The following DPP10 variants were observed in gnomAD, a reference collection of about 807,000 sequenced individuals.
DPP10 encodes the protein inactive dipeptidyl peptidase 10.
A neutral mutation model predicts 120.9 loss-of-function variants in DPP10; 33 were observed. That is an observed-to-expected ratio of 0.27 (90% CI 0.21 to 0.37). The LOEUF is 0.37. Ranked by LOEUF, DPP10 falls within the 10% of genes least tolerant of loss-of-function variation. DPP10 has a pLI of 1.00. For missense variants in DPP10, 816 were observed against 942.8 expected (o/e 0.87, Z 1.76); for synonymous variants, 337 against 326.1 (o/e 1.03, Z -0.36).
chr2:115,653,832 TATCTTAAC>T (rs2088034649), intron 5 of DPP10, among the ~76,000 whole-genome samples: 1 of 151,874 alleles, frequency 6.6e-6, no homozygotes, highest in African/African-American at 2.4e-5. Flanking sequence ...CTGTAGAGGA[TATCTTAAC>T]TGAGTATTTT....
chr2:115,193,166 A>G (rs997448077), intron 1 of DPP10, among the ~76,000 whole-genome samples: 1 of 152,228 alleles, frequency 6.6e-6, no homozygotes, highest in African/African-American at 2.4e-5. Flanking sequence ...CCCTTTTATA[A>G]CATGTTTCAC....
chr2:114,623,115 G>C (rs940547873), intron 1 of DPP10, among the ~76,000 whole-genome samples: 1 of 152,070 alleles, frequency 6.6e-6, no homozygotes, highest in Non-Finnish European at 1.5e-5. Context: ...CCTTGCACTA[G>C]CTTTCATTCT....
intron 3 of DPP10, among the ~76,000 whole-genome samples, chr2:115,398,207 A>T (rs1439605449): frequency 2.0e-5 from 3 of 149,114 alleles, no homozygotes; most frequent in African/African-American, 5.0e-5. Context: ...TCCCTTGGTT[A>T]TATTAAGCTG....
chr2:114,864,177 CT>C, intron 1 of DPP10, among the ~76,000 whole-genome samples: 1 of 152,278 alleles, frequency 6.6e-6, no homozygotes, highest in Middle Eastern at 3.4e-3. Context: ...TATGACCTCT[CT>C]TTTTTTCCAT....
At chr2:115,246,533 T>C (rs1261991990) in intron 1 of DPP10, among the ~76,000 whole-genome samples, 3 of 152,274 alleles carry the variant, frequency 2.0e-5, no homozygotes, top group African/African-American at 7.2e-5. Flanking sequence ...GTAAGTGGCC[T>C]CACAGAGACA....
At chr2:115,366,736 A>G (rs2065100588) in intron 3 of DPP10, among the ~76,000 whole-genome samples, 1 of 152,080 alleles carries the variant, frequency 6.6e-6, no homozygotes, top group South Asian at 2.1e-4. Context: ...CCACAGGTGC[A>G]GTTGCCTAGC....
At chr2:115,835,981 A>G (rs1006930132) in intron 21 of DPP10, among the ~76,000 whole-genome samples, 176 bp from the exon 22 acceptor site, 8 of 152,042 alleles carry the variant, frequency 5.3e-5, no homozygotes, top group Admixed American at 4.6e-4. Flanking sequence ...GTACAAAATG[A>G]TTTTGGCTTT....
At chr2:114,535,101 A>AAG (rs34002976) in intron 1 of DPP10, among the ~76,000 whole-genome samples, 2 of 151,542 alleles carry the variant, frequency 1.3e-5, no homozygotes, top group Admixed American at 6.6e-5. Flanking sequence ...ACAAAAAAAA[A>AAG]CATTGTTTAT....
At chr2:115,714,686 G>A (rs1300528325) in intron 7 of DPP10, among the ~76,000 whole-genome samples, 4 of 151,972 alleles carry the variant, frequency 2.6e-5, no homozygotes, top group African/African-American at 9.7e-5. Flanking sequence ...ATCTTGATCT[G>A]CCTTTTCTCA....
rs531847518 is a variant in DPP10 at position 114,668,548 on chromosome 2, C to G, written c.60+225710C>G. Among the ~76,000 whole-genome samples, 46 of 152,120 alleles carry G rather than the reference C, an allele frequency of 3.0e-4. No homozygotes were observed. In the South Asian group the frequency reaches 9.1e-3, roughly 30 times the overall value. On this transcript the variant is annotated intron_variant, in intron 1 of 25. Transcript: ENST00000410059. ...TACCAGCTATCTGAGCAGCCTTAGC[C>G]CAGTAAAGTTGGCACATAAAATTAA...
intron 1 of DPP10, among the ~76,000 whole-genome samples, chr2:114,529,474 T>C (rs1201552300): frequency 6.6e-6 from 1 of 152,216 alleles, no homozygotes; most frequent in African/African-American, 2.4e-5. Context: ...CTGTATGAGC[T>C]GACTCCTGTC....
At chr2:115,049,866 T>C (rs13425974) in intron 1 of DPP10, among the ~76,000 whole-genome samples, 2,709 of 152,266 alleles carry the variant, frequency 0.018, 75 homozygotes, top group African/African-American at 0.063. Flanking sequence ...CAAATCTTTT[T>C]TGGAATAGGC....
chr2:114,690,325 T>C (rs1253731893), intron 1 of DPP10, among the ~76,000 whole-genome samples: 2 of 152,096 alleles, frequency 1.3e-5, no homozygotes, highest in Non-Finnish European at 2.9e-5. Flanking sequence ...CCCAGCACCA[T>C]TGATTAAATG....
intron 7 of DPP10, among the ~76,000 whole-genome samples, chr2:115,707,534 T>A (rs2092164942): frequency 6.6e-6 from 1 of 151,716 alleles, no homozygotes; most frequent in South Asian, 2.1e-4. Flanking sequence ...CTAGTGATTC[T>A]GAATGTAGAT....
intron 5 of DPP10, among the ~76,000 whole-genome samples, chr2:115,600,890 G>A (rs1455596486): frequency 2.6e-5 from 4 of 152,108 alleles, no homozygotes; most frequent in Admixed American, 1.3e-4. Flanking sequence ...GCTGTTTAAC[G>A]GGGACACAAA....
rs72961612 is a variant in DPP10 at position 114,825,810 on chromosome 2, T to A, written c.60+382972T>A. ...AGTATGAACAGTTTGCATGCTACAC[T>A]GTATAGCCTAAATAACAGAGGGCAT... On this transcript the variant is annotated intron_variant, in intron 1 of 25. Coordinates refer to ENST00000410059, the MANE Select transcript of DPP10 (RefSeq NM_020868.6). Among the ~76,000 whole-genome samples, 1,290 of 152,296 alleles carry A rather than the reference T, an allele frequency of 8.5e-3. 23 individuals carry two copies. Among genetic ancestry groups the A allele is most frequent in the African/African-American group, 0.029 (1,219 of 41,550 alleles).
intron 1 of DPP10, among the ~76,000 whole-genome samples, chr2:114,826,581 C>T (rs528441905): frequency 5.7e-4 from 86 of 152,208 alleles, no homozygotes; most frequent in African/African-American, 2.0e-3. Flanking sequence ...CCCAGGCTAG[C>T]GTGCAATGTC....
At chr2:115,362,258 T>C (rs2064827700) in intron 3 of DPP10, among the ~76,000 whole-genome samples, 1 of 152,206 alleles carries the variant, frequency 6.6e-6, no homozygotes, top group African/African-American at 2.4e-5. Flanking sequence ...GCTAAGATTC[T>C]ATATGGTAAG....
At chr2:115,165,256 TTTTA>T (rs1242332489) in intron 1 of DPP10, among the ~76,000 whole-genome samples, 1 of 152,200 alleles carries the variant, frequency 6.6e-6, no homozygotes, top group African/African-American at 2.4e-5. Flanking sequence ...TGAGTCCTGT[TTTTA>T]TTCCTATTTT....
Sources: gnomAD v4.1 joint callset for allele counts (sites outside exome capture counted in the v4.1 genomes callset) on GRCh38, gnomAD v4.1.1 for gene constraint, MANE v1.5 for transcripts, NCBI Gene and HGNC (gene_info 2026-07-23, HGNC 2026-07-21) for gene names.